The following MGAT4C variants were observed in gnomAD, a reference collection of about 807,000 sequenced individuals.
MGAT4C encodes MGAT4 family member C, also known as alpha-1,3-mannosyl-glycoprotein 4-beta-N-acetylglucosaminyltransferase C.
MGAT4C carries 19 observed loss-of-function variants against 40.1 expected under a neutral mutation model. The ratio of observed to expected loss-of-function variants is 0.47; its 90% CI spans 0.33 to 0.70. MGAT4C has a LOEUF of 0.70. Among genes scored for constraint, MGAT4C ranks in the 30% least tolerant of loss-of-function variants. The pLI is 0.02. For synonymous variants in MGAT4C, 181 were observed against 187.1 expected (o/e 0.97, Z 0.27); for missense variants, 491 against 563.2 (o/e 0.87, Z 1.30).
chr12:86,120,112 C>T (rs896065276), intron 1 of MGAT4C, among the ~76,000 whole-genome samples: 1 of 150,844 alleles, frequency 6.6e-6, no homozygotes, highest in African/African-American at 2.4e-5. Flanking sequence ...AAATATGTTA[C>T]CTTTACAGAA....
At chr12:86,031,407 A>T (rs1890743470) in intron 2 of MGAT4C, among the ~76,000 whole-genome samples, 1 of 151,856 alleles carries the variant, frequency 6.6e-6, no homozygotes, top group Non-Finnish European at 1.5e-5. Context: ...TATTTATTTC[A>T]GTTAAATTTG....
At chr12:86,615,516 T>C (rs955076638) in intron 2 of MGAT4C, among the ~76,000 whole-genome samples, 1 of 152,116 alleles carries the variant, frequency 6.6e-6, no homozygotes, top group Non-Finnish European at 1.5e-5. Flanking sequence ...TCCCAAGAAA[T>C]CTAGCCTCAT....
chr12:85,961,593 T>A lies in MGAT4C; in HGVS notation c.*17696A>T, dbSNP rs1039219429. On this transcript the variant is annotated 3_prime_UTR_variant, in exon 5 of 5. Transcript: ENST00000611864. ...GGCCTAATACCTCAAGAATATTGTA[T>A]ATGCTTGTCACTATATAAACTTCAC... The A allele has an allele frequency of 6.6e-6, 1 of 151,862 alleles. No homozygotes were observed. The highest frequency in any genetic ancestry group is 1.5e-5 in the Non-Finnish European group (1 of 67,808). 9.4% of individuals were successfully genotyped at this position (151,862 alleles called of 1,614,324 possible). A position where few individuals can be genotyped will look rare whatever the true frequency, so the allele number is the denominator to read the frequency against.
intron 2 of MGAT4C, among the ~76,000 whole-genome samples, chr12:86,513,905 T>C (rs1259417926): frequency 1.3e-5 from 2 of 151,958 alleles, no homozygotes; most frequent in Non-Finnish European, 2.9e-5. Flanking sequence ...AAGGTAGCTG[T>C]GAAAATCAGC....
At chr12:85,988,882 A>C (rs920470751) in intron 3 of MGAT4C, among the ~76,000 whole-genome samples, 2 of 152,052 alleles carry the variant, frequency 1.3e-5, no homozygotes, top group African/African-American at 4.8e-5. Context: ...GTGGGTACAA[A>C]TATAAAACAG....
chr12:86,236,658 T>G (rs146936620), intron 1 of MGAT4C, among the ~76,000 whole-genome samples: 3 of 152,078 alleles, frequency 2.0e-5, no homozygotes, highest in African/African-American at 7.2e-5. Flanking sequence ...ATATCATGGA[T>G]GGAAACAGTG....
intron 3 of MGAT4C, among the ~76,000 whole-genome samples, chr12:86,352,123 T>C (rs950008378): frequency 6.6e-6 from 1 of 152,136 alleles, no homozygotes; most frequent in African/African-American, 2.4e-5. Context: ...CTAATGCATA[T>C]GAAGTTAAAT....
Position 86,603,079 on chromosome 12 carries a change from G to C in MGAT4C, c.-229+124130C>G, listed in dbSNP as rs534881700. ...TAAACCAGTGAAATTCACAGAAGCAGACAGTAGGATGGTGGTTTCCAGGAT... is the reference window on the plus strand; with the variant it reads ...TAAACCAGTGAAATTCACAGAAGCACACAGTAGGATGGTGGTTTCCAGGAT... On this transcript the variant is annotated intron_variant, in intron 2 of 7. Transcript: ENST00000548651. 7.3e-5 allele frequency among the ~76,000 whole-genome samples: 11 copies of C among 151,578 alleles called. No homozygotes were observed. In the South Asian group the frequency reaches 2.3e-3, roughly 31 times the overall value.
chr12:86,579,697 A>G (rs1960705362), intron 2 of MGAT4C, among the ~76,000 whole-genome samples: 1 of 151,402 alleles, frequency 6.6e-6, no homozygotes, highest in South Asian at 2.1e-4. Flanking sequence ...CTTTCTTTCT[A>G]ATTGAGTATT....
At chr12:86,829,272 C>G (rs1952872122) in intron 1 of MGAT4C, among the ~76,000 whole-genome samples, 1 of 151,432 alleles carries the variant, frequency 6.6e-6, no homozygotes, top group Admixed American at 6.6e-5. Context: ...CATGTAGTTA[C>G]TACCTGCAAC....
chr12:86,520,852 G>C (rs572074887), intron 2 of MGAT4C, among the ~76,000 whole-genome samples: 2 of 152,104 alleles, frequency 1.3e-5, no homozygotes, highest in South Asian at 4.2e-4. Context: ...TTTTTCACAT[G>C]CTTGTTTGCT....
At chr12:86,781,012 TTG>T (rs201109835) in intron 1 of MGAT4C, among the ~76,000 whole-genome samples, 3,467 of 39,048 alleles carry the variant, frequency 0.089, 58 homozygotes, top group Middle Eastern at 0.12. Flanking sequence ...TGGCTGAGTA[TTG>T]TGTGTGTGTG....
intron 2 of MGAT4C, among the ~76,000 whole-genome samples, chr12:86,602,976 A>G (rs1961840996): frequency 6.6e-6 from 1 of 151,786 alleles, no homozygotes; most frequent in Non-Finnish European, 1.5e-5. Context: ...ACTGATGAAT[A>G]TGAAGCATAT....
chr12:86,390,278 T>C (rs775550313), intron 3 of MGAT4C, among the ~76,000 whole-genome samples: 4 of 152,116 alleles, frequency 2.6e-5, no homozygotes, highest in African/African-American at 9.7e-5. Context: ...CACATATGAG[T>C]TTCTGGAGTA....
chr12:86,262,912 T>G (rs553164620), intron 4 of MGAT4C, among the ~76,000 whole-genome samples: 3 of 152,222 alleles, frequency 2.0e-5, no homozygotes, highest in African/African-American at 7.2e-5. Flanking sequence ...ATATGGAATA[T>G]TTTTCAACTT....
At chr12:86,220,352 A>T (rs1950833228) in intron 1 of MGAT4C, among the ~76,000 whole-genome samples, 2 of 152,200 alleles carry the variant, frequency 1.3e-5, no homozygotes, top group Non-Finnish European at 2.9e-5. Context: ...AGATTTCATG[A>T]TCAATAGCTT....
chr12:86,781,023 T>A (rs112970883), intron 1 of MGAT4C, among the ~76,000 whole-genome samples: 1,703 of 152,170 alleles, frequency 0.011, 29 homozygotes, highest in African/African-American at 0.039. Flanking sequence ...TGTGTGTGTG[T>A]GTGTGTGTGT....
At chr12:86,760,228 G>C (rs970087341) in intron 1 of MGAT4C, among the ~76,000 whole-genome samples, 3 of 152,012 alleles carry the variant, frequency 2.0e-5, no homozygotes, top group Non-Finnish European at 2.9e-5. Context: ...GCAGAAGAAT[G>C]AAAGTAGACC....
At chr12:86,246,736 G>C (rs753401554) in intron 1 of MGAT4C, among the ~76,000 whole-genome samples, 9 of 152,280 alleles carry the variant, frequency 5.9e-5, no homozygotes, top group East Asian at 3.9e-4. Context: ...TTATTTGACA[G>C]TTCTGACCAG....
Sources: allele counts gnomAD v4.1 joint callset (sites outside exome capture counted in the v4.1 genomes callset), GRCh38; gene constraint gnomAD v4.1.1; transcripts MANE v1.5; gene names NCBI Gene and HGNC (gene_info 2026-07-23, HGNC 2026-07-21).